Variants in SLC2A9 observed in about 807,000 individuals in gnomAD.
The protein encoded by SLC2A9 is solute carrier family 2, facilitated glucose transporter member 9.
A neutral mutation model predicts 50.6 loss-of-function variants in SLC2A9; 39 were observed. The ratio of observed to expected loss-of-function variants is 0.77; its 90% CI spans 0.60 to 1.01. SLC2A9 has a LOEUF of 1.01. SLC2A9 is among the 50% of genes least tolerant of loss of function. The pLI, the probability that SLC2A9 is intolerant of heterozygous loss-of-function variation, is 0.00. For missense variants in SLC2A9, 686 were observed against 677.6 expected, an observed-to-expected ratio of 1.01 and a Z score of -0.14; for synonymous variants, 324 against 276.9, an observed-to-expected ratio of 1.17 and a Z score of -1.69.
At chr4:9,951,816 G>C (rs1333133420) in intron 5 of SLC2A9, among the ~76,000 whole-genome samples, 2 of 152,216 alleles carry the variant, frequency 1.3e-5, no homozygotes, top group African/African-American at 4.8e-5. Flanking sequence ...TCTTTAAAAA[G>C]CTTGAAAAGT....
chr4:9,957,369 C>T (rs932309082), intron 5 of SLC2A9, among the ~76,000 whole-genome samples: 10 of 152,202 alleles, frequency 6.6e-5, no homozygotes, highest in African/African-American at 1.4e-4. Context: ...ATCCTGCTCA[C>T]GCTGTCATCA....
intron 8 of SLC2A9, among the ~76,000 whole-genome samples, chr4:9,891,835 G>A (rs927385842): frequency 6.6e-6 from 1 of 152,200 alleles, no homozygotes; most frequent in Non-Finnish European, 1.5e-5. Context: ...GGGCTGGATG[G>A]TCCCCATCAC....
chr4:10,010,446 T>C (rs1423751883), intron 2 of SLC2A9, among the ~76,000 whole-genome samples: 2 of 152,140 alleles, frequency 1.3e-5, no homozygotes, highest in African/African-American at 4.8e-5. Flanking sequence ...CCCCCAAATG[T>C]GTTACCATAT....
intron 1 of SLC2A9, among the ~76,000 whole-genome samples, chr4:10,036,332 T>A (rs1004805592): frequency 1.3e-5 from 2 of 152,108 alleles, no homozygotes; most frequent in Non-Finnish European, 2.9e-5. Flanking sequence ...AAAAAAAGAA[T>A]AACTAAGTCC....
intron 3 of SLC2A9, among the ~76,000 whole-genome samples, chr4:9,812,221 T>G (rs1427618097): frequency 6.6e-6 from 1 of 152,246 alleles, no homozygotes; most frequent in East Asian, 1.9e-4. Context: ...TTAAAAATTA[T>G]CTTATTCTTG....
Position 9,993,716 on chromosome 4 carries a change from A to C in SLC2A9, c.410+3065T>G, listed in dbSNP as rs545939400. On this transcript the variant is annotated intron_variant, in intron 3 of 11. Transcript: ENST00000264784. ...ATGCAAGCAGAGGACAGAGGATGCT[A>C]AATGGGTCACTGAGCTTCAACCAGA... 1.8e-4 allele frequency among the ~76,000 whole-genome samples: 27 copies of C among 152,162 alleles called. No homozygotes were observed. In the South Asian group the frequency reaches 4.8e-3, roughly 27 times the overall value.
intron 5 of SLC2A9, among the ~76,000 whole-genome samples, chr4:9,945,222 C>T (rs74561581): frequency 6.6e-6 from 1 of 152,212 alleles, no homozygotes; most frequent in East Asian, 1.9e-4. Flanking sequence ...TGCCTCTACC[C>T]CCACTCACTG....
rs144410199 is a variant in SLC2A9 at position 9,960,536 on chromosome 4, T to C, written c.682-18491A>G. Among the ~76,000 whole-genome samples, 249 of 152,290 alleles carry C rather than the reference T, an allele frequency of 1.6e-3. 2 individuals are homozygous for C. The highest frequency in any genetic ancestry group is 5.7e-3 in the African/African-American group (236 of 41,562). Reference sequence around the variant, plus strand: ...AGCAAGAAGACACAGCTCCTCCCCATGTACCCCTATCTGATCAAAGGCACC... The same window carrying C: ...AGCAAGAAGACACAGCTCCTCCCCACGTACCCCTATCTGATCAAAGGCACC... On this transcript the variant is annotated intron_variant, in intron 5 of 11. Coordinates refer to ENST00000264784, the MANE Select transcript of SLC2A9 (RefSeq NM_020041.3).
downstream of SLC2A9, among the ~76,000 whole-genome samples, chr4:9,795,205 G>T (rs1286014053): frequency 6.6e-6 from 1 of 151,768 alleles, no homozygotes; most frequent in Admixed American, 6.6e-5. Context: ...TATAGACAGG[G>T]TTTCACCATG....
intron 3 of SLC2A9, chr4:9,783,415 G>C (rs767395524): frequency 6.2e-7 from 1 of 1,613,886 alleles, no homozygotes; most frequent in Admixed American, 1.7e-5. Context: ...GCGAGGGGGA[G>C]ATTTCTTTAG....
rs181250865 is a variant in SLC2A9, at chr4:10,037,721, G to T, written c.-41+2409C>A. Among the ~76,000 whole-genome samples, 729 of 152,254 alleles carry T rather than the reference G, an allele frequency of 4.8e-3. 7 individuals carry two copies. The highest frequency in any genetic ancestry group is 0.016 in the African/African-American group (683 of 41,546). ...CCCAGCACTATGGAAGGCCAAGGTG[G>T]GCAGATCACTTGAGGTCAGGAGTTC... On this transcript the variant is annotated intron_variant, in intron 1 of 12. Coordinates refer to the SLC2A9 transcript ENST00000309065.
intron 5 of SLC2A9, among the ~76,000 whole-genome samples, chr4:9,977,678 C>T (rs13144899): frequency 0.069 from 10,471 of 151,940 alleles, 875 homozygotes; most frequent in East Asian, 0.47. Context: ...CCTACAGACC[C>T]GCCCAGATAA....
At chr4:9,975,012 T>G (rs1055265671) in intron 5 of SLC2A9, among the ~76,000 whole-genome samples, 1 of 152,126 alleles carries the variant, frequency 6.6e-6, no homozygotes, top group Non-Finnish European at 1.5e-5. Context: ...GGAAAGGACT[T>G]CCTATTCAAT....
chr4:10,019,036 C>T lies in SLC2A9; in HGVS notation c.188G>A (p.Gly63Asp), dbSNP rs1763145381. Residue 63 changes from glycine to aspartate, a missense_variant, in exon 2 of 12, where the codon GGC becomes GAC. Gly to Asp is a moderately conservative substitution (Grantham distance 94, BLOSUM62 -1). Transcript: ENST00000264784. ...GTAGAGGAAGGAGGAGCCGAAGGCG[C>T]CCGCGAGGGAGGCCACGAGGAGCGA... ...SCSLLVASLA[G>D]AFGSSFLYGY... The T allele has an allele frequency of 6.4e-7, 1 of 1,550,936 alleles. No individual in the cohort carries two copies. Among genetic ancestry groups the T allele is most frequent in the Non-Finnish European group, 8.7e-7 (1 of 1,146,954 alleles).
intron 6 of SLC2A9, among the ~76,000 whole-genome samples, chr4:9,935,996 C>G (rs1347499593): frequency 1.3e-5 from 2 of 152,188 alleles, no homozygotes; most frequent in Non-Finnish European, 1.5e-5. Context: ...AATCTCCTTC[C>G]TCATTAGCAT....
At chr4:9,950,239 A>G (rs1171853640) in intron 5 of SLC2A9, among the ~76,000 whole-genome samples, 1 of 152,202 alleles carries the variant, frequency 6.6e-6, no homozygotes, top group Non-Finnish European at 1.5e-5. Flanking sequence ...AATAACAGGT[A>G]TCTCAAGAAC....
chr4:9,950,892 C>CAAAAAAAAA (rs764863059), intron 5 of SLC2A9, among the ~76,000 whole-genome samples: 9 of 11,552 alleles, frequency 7.8e-4, no homozygotes, highest in East Asian at 0.013. Context: ...GACTCCGTCT[C>CAAAAAAAAA]AAAAAAAAAA....
chr4:9,904,433 A>C (rs1012811573), intron 8 of SLC2A9, among the ~76,000 whole-genome samples: 1 of 151,642 alleles, frequency 6.6e-6, no homozygotes, highest in African/African-American at 2.4e-5. Flanking sequence ...TCTGACTCTG[A>C]CCCTCCTGCC....
intron 8 of SLC2A9, among the ~76,000 whole-genome samples, chr4:9,900,074 T>C (rs1175638013): frequency 6.6e-6 from 1 of 152,118 alleles, no homozygotes. Flanking sequence ...AAAAAATAGC[T>C]CTTCAAGGAG....
Sources: allele counts gnomAD v4.1 joint callset (sites outside exome capture counted in the v4.1 genomes callset), GRCh38; gene constraint gnomAD v4.1.1; transcripts MANE v1.5; gene names NCBI Gene and HGNC (gene_info 2026-07-23, HGNC 2026-07-21).